RASAL2: variants seen among roughly 807,000 people sequenced by gnomAD.
The protein encoded by RASAL2 is RAS protein activator like 2.
RASAL2 carries 58 observed loss-of-function variants against 128.9 expected under a neutral mutation model. That is an observed-to-expected ratio of 0.45 (90% confidence interval 0.36 to 0.56). The LOEUF (loss-of-function observed/expected upper bound fraction) is 0.56, where lower values mean the gene tolerates loss of function less well. Ranked by LOEUF, RASAL2 falls within the 20% of genes least tolerant of loss-of-function variation. The probability of loss-of-function intolerance (pLI) is 0.00; values close to 1 mark genes in which losing one functional copy is unlikely to be tolerated. For missense variants in RASAL2, 1,360 were observed against 1,601.6 expected (o/e 0.85, Z 2.57); for synonymous variants, 561 against 580.8 (o/e 0.97, Z 0.49).
intron 1 of RASAL2, among the ~76,000 whole-genome samples, chr1:178,161,427 T>C (rs1009643957): frequency 6.6e-6 from 1 of 152,216 alleles, no homozygotes; most frequent in African/African-American, 2.4e-5. Context: ...TCAAGATTCA[T>C]CCATATTATA....
At position 178,362,861 on chromosome 1, in the gene RASAL2, A is replaced by C. The variant is rs180765838; in HGVS notation, c.458-27239A>C. 2.1e-3 allele frequency among the ~76,000 whole-genome samples: 312 copies of C among 152,192 alleles called. 1 individual carries two copies. Among genetic ancestry groups the C allele is most frequent in the African/African-American group, 7.0e-3 (292 of 41,536 alleles). ...GGATCTCTCTCTTTTTCAAGGATGA[A>C]TATTTCATTACATACACACACACCC... is the stretch of plus-strand genomic sequence containing the variant. On this transcript the variant is annotated intron_variant, in intron 3 of 17. Coordinates refer to ENST00000367649, the MANE Select transcript of RASAL2 (RefSeq NM_170692.4).
intron 2 of RASAL2, among the ~76,000 whole-genome samples, chr1:178,298,939 AC>A (rs890549025): frequency 9.9e-5 from 15 of 151,912 alleles, no homozygotes; most frequent in African/African-American, 3.6e-4. Flanking sequence ...ACCAAAAAAA[AC>A]CCACAACTTT....
chr1:178,416,948 G>C (rs1313412472), intron 4 of RASAL2, among the ~76,000 whole-genome samples: 2 of 146,738 alleles, frequency 1.4e-5, no homozygotes, highest in East Asian at 3.9e-4. Context: ...CCTCAGTGTA[G>C]TTTTGGGGGT....
chr1:178,447,493 C>T (rs35750598), intron 9 of RASAL2, among the ~76,000 whole-genome samples: 1 of 150,580 alleles, frequency 6.6e-6, no homozygotes, highest in Admixed American at 6.6e-5. Flanking sequence ...GGCCAACATG[C>T]TGAAACCCCA....
At chr1:178,281,174 A>T (rs1666764751) in intron 1 of RASAL2, among the ~76,000 whole-genome samples, 2 of 151,982 alleles carry the variant, frequency 1.3e-5, no homozygotes, top group Admixed American at 1.3e-4. Context: ...AAAAATGGGC[A>T]TTAGAAAAAG....
intron 4 of RASAL2, among the ~76,000 whole-genome samples, chr1:178,399,341 G>A (rs912376586): frequency 1.3e-5 from 2 of 151,794 alleles, no homozygotes; most frequent in African/African-American, 2.4e-5. Flanking sequence ...ATGTCTTACA[G>A]GTAGATAGAA....
At chr1:178,229,165 C>T (rs1663900803) in intron 1 of RASAL2, among the ~76,000 whole-genome samples, 1 of 152,056 alleles carries the variant, frequency 6.6e-6, no homozygotes, top group Non-Finnish European at 1.5e-5. Flanking sequence ...ACCCTCTATC[C>T]CTAAATCCTT....
At chr1:178,399,083 G>T (rs569781773) in intron 4 of RASAL2, among the ~76,000 whole-genome samples, 1 of 152,176 alleles carries the variant, frequency 6.6e-6, no homozygotes, top group South Asian at 2.1e-4. Context: ...TGGAGAATTC[G>T]TGGGGACCTT....
At chr1:178,131,428 C>T (rs575202365) in intron 1 of RASAL2, among the ~76,000 whole-genome samples, 3 of 129,102 alleles carry the variant, frequency 2.3e-5, no homozygotes, top group East Asian at 4.4e-4. Flanking sequence ...TATTTGTTGC[C>T]GAGGCTGGTC....
intron 1 of RASAL2, among the ~76,000 whole-genome samples, chr1:178,235,004 T>A (rs138066042): frequency 2.8e-4 from 42 of 152,308 alleles, no homozygotes; most frequent in Non-Finnish European, 5.1e-4. Context: ...TTAGTGATAC[T>A]CTTAAACATA....
chr1:178,155,251 A>G (rs1197293321), intron 1 of RASAL2, among the ~76,000 whole-genome samples: 1 of 152,170 alleles, frequency 6.6e-6, no homozygotes, highest in African/African-American at 2.4e-5. Context: ...ATATTCTAAA[A>G]TTCTTGGACA....
At chr1:178,281,700 TCTAATTGTTTAGACCA>T (rs1214341382) in intron 1 of RASAL2, among the ~76,000 whole-genome samples, 1 of 152,176 alleles carries the variant, frequency 6.6e-6, no homozygotes, top group Non-Finnish European at 1.5e-5. Context: ...TGTCAAAGTT[TCTAATTGTTTAGACCA>T]CAAAACTATT....
intron 4 of RASAL2, among the ~76,000 whole-genome samples, chr1:178,406,829 T>C (rs1485885908): frequency 4.0e-5 from 6 of 151,334 alleles, no homozygotes; most frequent in Non-Finnish European, 7.4e-5. Flanking sequence ...TTTTATATTT[T>C]AATATAATAA....
intron 1 of RASAL2, among the ~76,000 whole-genome samples, chr1:178,202,999 C>T (rs1662925636): frequency 6.6e-6 from 1 of 152,202 alleles, no homozygotes; most frequent in Non-Finnish European, 1.5e-5. Flanking sequence ...AAACTGAGCC[C>T]TCAAAATGGC....
At chr1:178,175,344 A>G (rs1314662204) in intron 1 of RASAL2, among the ~76,000 whole-genome samples, 2 of 151,938 alleles carry the variant, frequency 1.3e-5, no homozygotes, top group Non-Finnish European at 2.9e-5. Flanking sequence ...TACGTCTTCT[A>G]ACCTAGACTT....
At chr1:178,117,955 A>G (rs1184020869) in intron 1 of RASAL2, among the ~76,000 whole-genome samples, 1 of 152,106 alleles carries the variant, frequency 6.6e-6, no homozygotes, top group Non-Finnish European at 1.5e-5. Context: ...ACCTGAGGTC[A>G]CGAGTTCGAG....
At chr1:178,413,463 A>C (rs944841974) in intron 4 of RASAL2, among the ~76,000 whole-genome samples, 1 of 152,208 alleles carries the variant, frequency 6.6e-6, no homozygotes, top group Non-Finnish European at 1.5e-5. Flanking sequence ...GAGATCTAAT[A>C]GGACTTCAGA....
In RASAL2 at chr1:178,349,257, T is replaced by TA. The variant is rs1260231020; in HGVS notation, c.458-40843_458-40842insA. ...AACATGGTGAAACCCTGTCTCTACTTTAAAAAAAAAAAAAAAAAAAAGCCA... is the reference window on the plus strand; with the variant it reads ...AACATGGTGAAACCCTGTCTCTACTTATAAAAAAAAAAAAAAAAAAAAGCCA... On this transcript the variant is annotated intron_variant, in intron 3 of 17. Coordinates refer to ENST00000367649, the MANE Select transcript of RASAL2 (RefSeq NM_170692.4). Among the ~76,000 whole-genome samples the TA allele has an allele frequency of 1.4e-4, 19 of 137,178 alleles. 1 individual carries two copies. Among genetic ancestry groups the TA allele is most frequent in the African/African-American group, 5.7e-4 (19 of 33,308 alleles). The allele number at this position is 137,178 out of a possible 152,430, so 90.0% of individuals were successfully genotyped here. A position where few individuals can be genotyped will look rare whatever the true frequency, so the allele number is the denominator to read the frequency against.
At chr1:178,391,913 A>G (rs570537993) in intron 4 of RASAL2, among the ~76,000 whole-genome samples, 24 of 152,322 alleles carry the variant, frequency 1.6e-4, no homozygotes, top group Non-Finnish European at 2.9e-4. Flanking sequence ...CCACTCATCA[A>G]TTGGACCCCA....
Sources: gnomAD v4.1 joint callset for allele counts (sites outside exome capture counted in the v4.1 genomes callset) on GRCh38, gnomAD v4.1.1 for gene constraint, MANE v1.5 for transcripts, NCBI Gene and HGNC (gene_info 2026-07-23, HGNC 2026-07-21) for gene names.